The following GRAP2 variants were observed in gnomAD, a reference collection of about 807,000 sequenced individuals.
GRAP2 encodes the protein GRB2 related adaptor protein 2, also known as GRB2-related adapter protein 2.
GRAP2 carries 31 observed loss-of-function variants against 43.5 expected under a neutral mutation model. The ratio of observed to expected loss-of-function variants is 0.71; its 90% CI spans 0.54 to 0.96. The LOEUF (loss-of-function observed/expected upper bound fraction) is 0.96. GRAP2 is among the 40% of genes least tolerant of loss of function. The pLI is 0.00. For synonymous variants in GRAP2, 156 were observed against 164.8 expected, an observed-to-expected ratio of 0.95 and a Z score of 0.41; for missense variants, 371 against 424.4, an observed-to-expected ratio of 0.87 and a Z score of 1.11.
At chr22:39,924,626 C>T (rs1228034015) in intron 1 of GRAP2, among the ~76,000 whole-genome samples, 5 of 152,052 alleles carry the variant, frequency 3.3e-5, no homozygotes, top group Admixed American at 6.6e-5. Flanking sequence ...CACTTCAACC[C>T]GGGCGGCGGA....
At chr22:39,915,192 AAAAAAAAAAAAAAG>A (rs1283407527) in intron 1 of GRAP2, among the ~76,000 whole-genome samples, 7 of 150,920 alleles carry the variant, frequency 4.6e-5, no homozygotes, top group Non-Finnish European at 1.5e-5. Flanking sequence ...CCATCTCAAA[AAAAAAAAAAAAAAG>A]AAAAGAAAAA....
At chr22:39,920,079 T>C (rs977835308) in intron 1 of GRAP2, among the ~76,000 whole-genome samples, 3 of 152,198 alleles carry the variant, frequency 2.0e-5, no homozygotes, top group Non-Finnish European at 4.4e-5. Flanking sequence ...ACACAATGTG[T>C]GACAAATTAG....
At chr22:39,965,516 A>G (rs1007089356) in intron 4 of GRAP2, among the ~76,000 whole-genome samples, 1 of 152,226 alleles carries the variant, frequency 6.6e-6, no homozygotes, top group African/African-American at 2.4e-5. Context: ...AAAAAATGTG[A>G]CATATTTCTT....
At chr22:39,912,384 C>A (rs981782299) in intron 1 of GRAP2, among the ~76,000 whole-genome samples, 9 of 152,218 alleles carry the variant, frequency 5.9e-5, no homozygotes, top group African/African-American at 1.9e-4. Context: ...AGATACTGTA[C>A]TCCATCCAGC....
In GRAP2 at chr22:39,965,905, A is replaced by T. The variant is rs182871357; in HGVS notation, c.291-85A>T. On this transcript the variant is annotated intron_variant, in intron 4 of 7. Coordinates refer to ENST00000344138, the MANE Select transcript of GRAP2 (RefSeq NM_004810.4). The stretch of plus-strand genomic sequence containing the variant: ...TATCTACATCTCCTGCTCAAAGAGA[A>T]CTCCACCATCCCAGATGTGAGCAGC... The T allele has an allele frequency of 1.3e-5, 14 of 1,109,504 alleles. No individual in the cohort carries two copies. The Admixed American group carries it at 2.3e-4, about 18-fold the overall frequency. 68.7% of individuals were successfully genotyped at this position (1,109,504 alleles called of 1,614,324 possible).
intron 1 of GRAP2, among the ~76,000 whole-genome samples, chr22:39,941,718 G>T (rs1268356883): frequency 6.6e-6 from 1 of 152,086 alleles, no homozygotes; most frequent in African/African-American, 2.4e-5. Flanking sequence ...CACCTTCCTG[G>T]CTACAAAAAC....
intron 3 of GRAP2, among the ~76,000 whole-genome samples, chr22:39,956,561 C>T (rs188354636): frequency 1.0e-3 from 157 of 151,340 alleles, no homozygotes; most frequent in Non-Finnish European, 1.7e-3. Context: ...GGCATGATCT[C>T]GGCTCATTGC....
At chr22:39,913,948 G>A (rs1473586148) in intron 1 of GRAP2, among the ~76,000 whole-genome samples, 2 of 152,084 alleles carry the variant, frequency 1.3e-5, no homozygotes, top group Admixed American at 6.5e-5. Context: ...CTATCATTCA[G>A]TAATGATAAA....
intron 1 of GRAP2, among the ~76,000 whole-genome samples, chr22:39,904,812 C>T (rs1393746566): frequency 6.6e-6 from 1 of 152,136 alleles, no homozygotes; most frequent in African/African-American, 2.4e-5. Context: ...CTTTCTTCAA[C>T]ATTGGATGTT....
At chr22:39,948,301 C>G (rs1019838626) in intron 2 of GRAP2, 1 of 152,106 alleles carries the variant, frequency 6.6e-6, no homozygotes, top group African/African-American at 2.4e-5. Flanking sequence ...AGTTGGGCCT[C>G]CTGACCCAGG....
At chr22:39,910,334 C>G (rs1009044032) in intron 1 of GRAP2, among the ~76,000 whole-genome samples, 2 of 152,150 alleles carry the variant, frequency 1.3e-5, no homozygotes, top group Non-Finnish European at 2.9e-5. Context: ...TGACTCATAT[C>G]GAAATTGTGG....
intron 1 of GRAP2, among the ~76,000 whole-genome samples, chr22:39,907,775 T>G (rs777380181): frequency 6.6e-6 from 1 of 152,192 alleles, no homozygotes; most frequent in Non-Finnish European, 1.5e-5. Flanking sequence ...AGAGTTGCCA[T>G]TATCTTGTTT....
chr22:39,940,896 G>C (rs1000387023), intron 1 of GRAP2, among the ~76,000 whole-genome samples: 33 of 152,210 alleles, frequency 2.2e-4, no homozygotes, highest in Admixed American at 6.5e-4. Context: ...AACCTGTCTA[G>C]TTAAAGGTTA....
At chr22:39,957,850 C>T (rs561642426) in intron 3 of GRAP2, among the ~76,000 whole-genome samples, 10 of 152,046 alleles carry the variant, frequency 6.6e-5, no homozygotes, top group African/African-American at 9.6e-5. Flanking sequence ...GCAGGAGGAT[C>T]GCTTGAGCCT....
At chr22:39,941,202 C>A (rs2066866353) in intron 1 of GRAP2, among the ~76,000 whole-genome samples, 1 of 152,196 alleles carries the variant, frequency 6.6e-6, no homozygotes, top group South Asian at 2.1e-4. Context: ...GCCTGCTAAG[C>A]CCGGGCTAGG....
chr22:39,968,362 G>A, intron 6 of GRAP2, 90 bp downstream of exon 6: 1 of 1,496,728 alleles, frequency 6.7e-7, no homozygotes, highest in Non-Finnish European at 9.1e-7. Context: ...AGTTCTCAGA[G>A]AGTTCATGAT....
intron 1 of GRAP2, among the ~76,000 whole-genome samples, chr22:39,932,366 G>A (rs999500400): frequency 1.7e-4 from 26 of 151,884 alleles, no homozygotes; most frequent in African/African-American, 6.3e-4. Context: ...TACTTCCTGC[G>A]AGCCACAACA....
Position 39,955,831 on chromosome 22 carries a change from C to A in GRAP2, c.91C>A (p.Gln31Lys), listed in dbSNP as rs1463675269. 6 of 1,546,790 alleles carry A rather than the reference C, an allele frequency of 3.9e-6. No individual in the cohort carries two copies. The highest frequency in any genetic ancestry group is 3.6e-6 in the Non-Finnish European group (4 of 1,118,732). ...TGDVLKILSNQEEWFKAELGS... is the reference protein window; with the variant it reads ...TGDVLKILSNKEEWFKAELGS... ...TTCTTCCATGTAGATTTTAAGTAAC[C>A]AAGAGGAGTGGTTTAAGGCGGAGCT... The change falls in exon 3 of 8, where the codon CAA (glutamine) becomes AAA (lysine). Residue 31 changes from glutamine (Q) to lysine (K), a missense_variant. Physicochemically the swap from Gln to Lys is moderately conservative, Grantham distance 53 (BLOSUM62 1). Transcript: ENST00000344138.
At chr22:39,912,786 T>C (rs936556389) in intron 1 of GRAP2, among the ~76,000 whole-genome samples, 2 of 152,022 alleles carry the variant, frequency 1.3e-5, no homozygotes, top group African/African-American at 4.8e-5. Context: ...GCCGGAGTGA[T>C]GGTGGTGGGG....
Sources: gnomAD v4.1 joint callset for allele counts (sites outside exome capture counted in the v4.1 genomes callset) on GRCh38, gnomAD v4.1.1 for gene constraint, MANE v1.5 for transcripts, NCBI Gene and HGNC (gene_info 2026-07-23, HGNC 2026-07-21) for gene names.